Variants in ZNF394 observed in about 807,000 individuals in gnomAD.
ZNF394 encodes zinc finger protein 99.
ZNF394 carries 19 observed loss-of-function variants against 21.8 expected under a neutral mutation model. That is an observed-to-expected ratio of 0.87 (90% CI 0.61 to 1.28). ZNF394 has a LOEUF of 1.28. Ranked by LOEUF, ZNF394 falls within the 50% of genes most tolerant of loss-of-function variation. The probability of loss-of-function intolerance (pLI) is 0.00; values close to 1 mark genes in which losing one functional copy is unlikely to be tolerated. For synonymous variants in ZNF394, 294 were observed against 273.3 expected, an observed-to-expected ratio of 1.08 and a Z score of -0.75; for missense variants, 683 against 708.6, an observed-to-expected ratio of 0.96 and a Z score of 0.41.
chr7:99,494,255 A>G lies in ZNF394; in HGVS notation c.960T>C (p.Ser320=), dbSNP rs1240050182. The G allele has an allele frequency of 6.2e-7, 1 of 1,614,226 alleles. No individual in the cohort carries two copies. The highest frequency in any genetic ancestry group is 1.1e-5 in the South Asian group (1 of 91,084). The stretch of plus-strand genomic sequence containing the variant: ...GCACGTGCCACGTCACCATGTGGAA[A>G]CTTTGCTTGCACTTGTTCCCGTGTT... ...SEEHGNKCKQ[S]FHMVTWHVLK... The change falls in exon 3 of 3, where the codon AGT becomes AGC. Residue 320 remains serine (S), a synonymous_variant. Transcript: ENST00000337673.
At chr7:99,499,615 A>G in intron 1 of ZNF394, 23 bp downstream of exon 1, 1 of 1,547,642 alleles carries the variant, frequency 6.5e-7, no homozygotes, top group Non-Finnish European at 8.7e-7. Context: ...TCCCACCTCC[A>G]GAACAGGCCT....
chr7:99,499,528 C>T (rs1057265274), intron 1 of ZNF394, 110 bp downstream of exon 1: 4 of 1,031,158 alleles, frequency 3.9e-6, no homozygotes, highest in African/African-American at 1.6e-5. Context: ...TCCATACACA[C>T]CCCAATGTTC....
At chr7:99,486,540 G>A (rs746395367) in exon 2 of ZNF394, 1 of 1,613,998 alleles carries the variant, frequency 6.2e-7, no homozygotes, top group African/African-American at 1.3e-5. Flanking sequence ...AAGATTTAGA[G>A]TCATATAAGA....
At position 99,494,183 on chromosome 7, in the gene ZNF394, G is replaced by C; in HGVS notation, c.1032C>G (p.Ser344Arg). Residue 344 changes from serine (S) to arginine (R), a missense_variant, in exon 3 of 3, where the codon AGC (serine) becomes AGG (arginine). Transcript: ENST00000337673. ...GGAGCTGCCTCTGGGTCTCAAAAAG[G>C]CTGGAATGATGGAAACTGTCTCCAC... Reference protein sequence around the residue: ...SDSGDSFHHSSLFETQRQLHE... With the variant: ...SDSGDSFHHSRLFETQRQLHE... 5 of 1,614,240 alleles carry C rather than the reference G, an allele frequency of 3.1e-6. No individual in the cohort carries two copies. Among genetic ancestry groups the C allele is most frequent in the Non-Finnish European group, 4.2e-6 (5 of 1,180,046 alleles).
At chr7:99,494,693 T>C in intron 2 of ZNF394, 62 bp from the exon 3 acceptor site, 3 of 1,509,078 alleles carry the variant, frequency 2.0e-6, no homozygotes, top group Non-Finnish European at 2.6e-6. Flanking sequence ...AATAAGCAAG[T>C]GCTGGCAGAA....
Position 99,494,078 on chromosome 7 carries a change from G to A in ZNF394, c.1137C>T (p.Ile379=). The change falls in exon 3 of 3, where the codon ATC becomes ATT. Residue 379 remains isoleucine, a synonymous_variant. Transcript: ENST00000337673. ...AGCCATAGGGTTTCTCACCTGTGTGGATTCTCTGGTGTCTAAAGAGGTCAG... is the reference window on the plus strand; with the variant it reads ...AGCCATAGGGTTTCTCACCTGTGTGAATTCTCTGGTGTCTAAAGAGGTCAG... ...QRSDLFRHQR[I]HTGEKPYGCQ... The A allele has an allele frequency of 6.2e-7, 1 of 1,614,150 alleles. No individual in the cohort carries two copies.
exon 2 of ZNF394, chr7:99,486,932 G>C (rs147979874): frequency 1.9e-6 from 3 of 1,613,978 alleles, no homozygotes; most frequent in African/African-American, 2.7e-5. Context: ...TTCAGACAGC[G>C]GTCAGCTCTT....
chr7:99,497,120 G>GTATATATATATATATA (rs1479965665), intron 2 of ZNF394, among the ~76,000 whole-genome samples: 32 of 91,358 alleles, frequency 3.5e-4, no homozygotes, highest in Non-Finnish European at 4.2e-4. Context: ...GTGTGTGTGT[G>GTATATATATATATATA]TGTATATATA....
At chr7:99,486,724 C>T in exon 2 of ZNF394, 2 of 1,614,188 alleles carry the variant, frequency 1.2e-6, no homozygotes, top group Non-Finnish European at 1.7e-6. Flanking sequence ...AAGGTGGAAG[C>T]AGGGCAGATA....
chr7:99,498,115 G>C lies in ZNF394; in HGVS notation c.583+601C>G, dbSNP rs567426309. The C allele has an allele frequency of 2.0e-5, 3 of 152,426 alleles. No homozygotes were observed. The South Asian group carries it at 6.2e-4, about 32-fold the overall frequency. 9.4% of individuals were successfully genotyped at this position (152,426 alleles called of 1,614,324 possible). ...GAATGTTCGGTGCAATGCTGTAATG[G>C]TTAAAAACTTAAGACACCTAAATGT... On this transcript the variant is annotated intron_variant, in intron 2 of 2. Transcript: ENST00000337673.
rs181130864 is a variant in ZNF394, at chr7:99,497,199, C to T, written c.583+1517G>A. Among the ~76,000 whole-genome samples the T allele has an allele frequency of 4.5e-3, 662 of 146,272 alleles. 3 individuals carry two copies. The highest frequency in any genetic ancestry group is 0.016 in the African/African-American group (610 of 38,902). On this transcript the variant is annotated intron_variant, in intron 2 of 2. Transcript: ENST00000337673. ...TTTTTGAGACGGAGTCTTGCTCTGT[C>T]ACCCAGGCTGGAGTGCTGGAGTGCA...
At chr7:99,496,713 C>G (rs2151083055) in intron 2 of ZNF394, among the ~76,000 whole-genome samples, 1 of 152,056 alleles carries the variant, frequency 6.6e-6, no homozygotes, top group South Asian at 2.1e-4. Context: ...TCACGCCCGG[C>G]CAAAATGTAT....
intron 1 of ZNF394, among the ~76,000 whole-genome samples, chr7:99,487,803 T>A (rs955771028): frequency 6.7e-6 from 1 of 149,368 alleles, no homozygotes; most frequent in Non-Finnish European, 1.5e-5. Flanking sequence ...CTGGGCGCGG[T>A]GGCTCACGCC....
At chr7:99,497,087 CGTGTGTGT>C (rs201206255) in intron 2 of ZNF394, among the ~76,000 whole-genome samples, 8,017 of 94,570 alleles carry the variant, frequency 0.085, 390 homozygotes, top group Middle Eastern at 0.19. Flanking sequence ...TACATACATA[CGTGTGTGT>C]GTGTGTGTGT....
rs371074644 is a variant in ZNF394, at chr7:99,494,233, C to T, written c.982G>A (p.Val328Met). ...KQSFHMVTWH[V>M]LKPHKSDSGD... is the part of the protein sequence containing the mutation. ...CTGTCAGACTTGTGAGGTTTCAGCA[C>T]GTGCCACGTCACCATGTGGAAACTT... Residue 328 changes from valine to methionine, a missense_variant, in exon 3 of 3, where the codon GTG (valine) becomes ATG (methionine). Val to Met is a conservative substitution (Grantham distance 21, BLOSUM62 1). Coordinates refer to ENST00000337673, the MANE Select transcript of ZNF394 (RefSeq NM_032164.4). The T allele has an allele frequency of 4.2e-5, 67 of 1,614,248 alleles. No individual in the cohort carries two copies. Among genetic ancestry groups the T allele is most frequent in the Admixed American group, 2.0e-4 (12 of 60,026 alleles).
chr7:99,487,046 A>T, intron 1 of ZNF394: 1 of 1,614,100 alleles, frequency 6.2e-7, no homozygotes, highest in Non-Finnish European at 8.5e-7. Context: ...AAGAGGATTC[A>T]CACCAAAGAA....
rs1354604073 is a variant in ZNF394, at chr7:99,493,544, A to C, written c.1671T>G (p.Gly557=). 1 of 1,606,160 alleles carries C rather than the reference A, an allele frequency of 6.2e-7. No homozygotes were observed. Among genetic ancestry groups the C allele is most frequent in the African/African-American group, 1.3e-5 (1 of 74,798 alleles). ...AGTGCTGGGATTATAGGCGTGAGCC[A>C]CCACGCCCAGCCGACAGCACTTTAT... ...HQNKVLSAGR[G]GSRL Residue 557 remains glycine, a synonymous_variant, in exon 3 of 3, where the codon GGT becomes GGG. Transcript: ENST00000337673.
rs771111028 is a variant in ZNF394 at position 99,499,678 on chromosome 7, A to G, written c.416T>C (p.Val139Ala). 35 of 1,610,096 alleles carry G rather than the reference A, an allele frequency of 2.2e-5. No homozygotes were observed. In the African/African-American group the frequency reaches 3.7e-4, roughly 17 times the overall value. The change falls in exon 1 of 3, where the codon GTG becomes GCG. Residue 139 changes from valine (V) to alanine (A), a missense_variant. Physicochemically the swap from Val to Ala is moderately conservative, Grantham distance 64. This residue lies in a region of ZNF394 where 402 missense variants were observed against 373.8 expected (regional missense o/e 1.08). Transcript: ENST00000337673. ...PESGEEAVAVVRALQRALDGT... is the reference protein window; with the variant it reads ...PESGEEAVAVARALQRALDGT... ...ATCGAGCGCTCGCTGCAGAGCCCGCACCACGGCCACCGCCTCCTCCCCGCT... is the reference window on the plus strand; with the variant it reads ...ATCGAGCGCTCGCTGCAGAGCCCGCGCCACGGCCACCGCCTCCTCCCCGCT...
At chr7:99,491,938 G>T (rs1388942690), downstream of ZNF394, among the ~76,000 whole-genome samples, 1 of 151,374 alleles carries the variant, frequency 6.6e-6, no homozygotes, top group Admixed American at 6.6e-5. Flanking sequence ...GCAAGGCATG[G>T]TGGGGGTGCA....
Sources: allele counts gnomAD v4.1 joint callset (sites outside exome capture counted in the v4.1 genomes callset), GRCh38; gene constraint gnomAD v4.1.1; regional missense constraint gnomAD v4.1.1; transcripts MANE v1.5; gene names NCBI Gene and HGNC (gene_info 2026-07-23, HGNC 2026-07-21).